COG3: variants seen among roughly 807,000 people sequenced by gnomAD.
The protein encoded by COG3 is conserved oligomeric Golgi complex subunit 3.
Under a neutral mutation model 114.1 loss-of-function variants are expected in COG3, and 32 were observed. The observed-to-expected ratio is 0.28, with a 90% CI of 0.21 to 0.38. The LOEUF is 0.38. COG3 is among the 10% of genes least tolerant of loss of function. COG3 has a pLI of 1.00. For synonymous variants in COG3, 352 were observed against 365.7 expected, an observed-to-expected ratio of 0.96 and a Z score of 0.43; for missense variants, 813 against 973.2, an observed-to-expected ratio of 0.84 and a Z score of 2.19.
intron 20 of COG3, 28 bp downstream of exon 20, chr13:45,525,079 C>G (rs1872545406): frequency 1.3e-6 from 2 of 1,590,114 alleles, no homozygotes; most frequent in South Asian, 1.1e-5. Flanking sequence ...TTTTGGATTT[C>G]TTTTTTAGGA....
chr13:45,465,299 G>T, intron 1 of COG3, 89 bp downstream of exon 1: 11 of 1,511,214 alleles, frequency 7.3e-6, no homozygotes, highest in South Asian at 1.3e-5. Context: ...ACTAGCCTCT[G>T]CCCAGGATAT....
In COG3 at chr13:45,513,865, T is replaced by C. The variant is rs574239858; in HGVS notation, c.1809+2011T>C. 1.5e-3 allele frequency among the ~76,000 whole-genome samples: 222 copies of C among 152,134 alleles called. 2 individuals carry two copies. The highest frequency in any genetic ancestry group is 4.5e-3 in the African/African-American group (188 of 41,556). On this transcript the variant is annotated intron_variant, in intron 16 of 22. Coordinates refer to ENST00000349995, the MANE Select transcript of COG3 (RefSeq NM_031431.4). The stretch of plus-strand genomic sequence containing the variant: ...TGTTTTATATAACAATATTACACAG[T>C]CATTAAATTTTTAAAAATGAAACAA...
chr13:45,510,273 A>G (rs780539444), intron 15 of COG3, among the ~76,000 whole-genome samples: 4 of 152,196 alleles, frequency 2.6e-5, no homozygotes, highest in Non-Finnish European at 4.4e-5. Flanking sequence ...ACACTACTCT[A>G]TATTTAATTT....
At chr13:45,522,314 G>A (rs1872246712) in intron 19 of COG3, among the ~76,000 whole-genome samples, 1 of 152,156 alleles carries the variant, frequency 6.6e-6, no homozygotes, top group Admixed American at 6.5e-5. Context: ...GTATTACCGT[G>A]TAGAGAATAT....
chr13:45,472,460 A>C (rs1315140558), intron 1 of COG3, among the ~76,000 whole-genome samples: 3 of 152,056 alleles, frequency 2.0e-5, no homozygotes, highest in Admixed American at 2.0e-4. Context: ...ATCCCATTTC[A>C]TGTAATTTGA....
At chr13:45,482,843 G>C (rs1006298776) in intron 6 of COG3, among the ~76,000 whole-genome samples, 1 of 152,180 alleles carries the variant, frequency 6.6e-6, no homozygotes, top group Non-Finnish European at 1.5e-5. Flanking sequence ...TGTTACTTGG[G>C]GGGAAATAAA....
At chr13:45,503,202 A>G (rs1355438909) in intron 13 of COG3, 42 bp from the exon 14 acceptor site, 2 of 934,530 alleles carry the variant, frequency 2.1e-6, no homozygotes, top group Non-Finnish European at 3.5e-6. Flanking sequence ...GTTGCCAAAC[A>G]CTGCTGAAAA....
At chr13:45,482,549 C>A in intron 6 of COG3, 76 bp downstream of exon 6, 1 of 703,546 alleles carries the variant, frequency 1.4e-6, no homozygotes, top group Non-Finnish European at 2.4e-6. Context: ...TTGTGTTTTT[C>A]AACTTTTCTG....
At chr13:45,478,727 G>T (rs558970141) in intron 2 of COG3, among the ~76,000 whole-genome samples, 5 of 152,314 alleles carry the variant, frequency 3.3e-5, no homozygotes, top group East Asian at 1.9e-4. Flanking sequence ...GACCTCAGGT[G>T]ATCCGCCCAC....
chr13:45,526,256 T>C (rs1463334211), intron 20 of COG3, among the ~76,000 whole-genome samples: 7 of 151,494 alleles, frequency 4.6e-5, no homozygotes, highest in Non-Finnish European at 7.4e-5. Flanking sequence ...CAGCTAATTG[T>C]TGTATTTTTA....
intron 12 of COG3, among the ~76,000 whole-genome samples, 160 bp from the exon 13 acceptor site, chr13:45,495,992 T>G (rs1011875904): frequency 1.3e-5 from 2 of 152,206 alleles, no homozygotes; most frequent in African/African-American, 4.8e-5. Flanking sequence ...TTATTAAACT[T>G]TTCCAAGCTC....
At chr13:45,498,561 A>C (rs1305862128) in intron 13 of COG3, among the ~76,000 whole-genome samples, 1 of 151,962 alleles carries the variant, frequency 6.6e-6, no homozygotes, top group African/African-American at 2.4e-5. Context: ...AGCATCATTT[A>C]TTGAAAAGGC....
At position 45,476,075 on chromosome 13, in the gene COG3, CTT is replaced by C. The variant is rs375075586; in HGVS notation, c.175-125_175-124del. 1.2e-4 allele frequency: 97 copies of C among 825,388 alleles called. No individual in the cohort carries two copies. In the African/African-American group the frequency reaches 1.5e-3, roughly 13 times the overall value. The allele number at this position is 825,388 out of a possible 1,614,324, so 51.1% of individuals were successfully genotyped here. On this transcript the variant is annotated intron_variant, in intron 1 of 22. Coordinates refer to ENST00000349995, the MANE Select transcript of COG3 (RefSeq NM_031431.4). ...GTTAGTACTATATAGTATTTATTAA[CTT>C]AATGTGATTTAATGGAAAATATTTC...
chr13:45,524,839 A>G, intron 19 of COG3, 137 bp from the exon 20 acceptor site: 1 of 546,320 alleles, frequency 1.8e-6, no homozygotes, highest in East Asian at 2.9e-5. Context: ...AGGGCTGCAC[A>G]TTTGATTATC....
chr13:45,510,911 T>C (rs1374483473), intron 15 of COG3, among the ~76,000 whole-genome samples: 2 of 152,184 alleles, frequency 1.3e-5, no homozygotes, highest in African/African-American at 2.4e-5. Context: ...CTTCCTATAG[T>C]AATAGCCTTG....
chr13:45,474,151 CTTTTTTTTTTT>C (rs10558884), intron 1 of COG3, among the ~76,000 whole-genome samples: 3 of 82,012 alleles, frequency 3.7e-5, no homozygotes, highest in Non-Finnish European at 6.9e-5. Context: ...CTTTTTTACT[CTTTTTTTTTTT>C]TTTTTTTTTT....
At chr13:45,490,633 TG>T in intron 8 of COG3, among the ~76,000 whole-genome samples, 1 of 152,172 alleles carries the variant, frequency 6.6e-6, no homozygotes, top group South Asian at 2.1e-4. Context: ...AAAATGTTTA[TG>T]AAATAATGTT....
chr13:45,516,844 A>T (rs941457207), intron 17 of COG3, among the ~76,000 whole-genome samples: 1 of 152,196 alleles, frequency 6.6e-6, no homozygotes, highest in African/African-American at 2.4e-5. Context: ...CCGAAAAGGA[A>T]TGAAAATATA....
At chr13:45,502,839 T>C (rs1434296538) in intron 13 of COG3, among the ~76,000 whole-genome samples, 1 of 152,160 alleles carries the variant, frequency 6.6e-6, no homozygotes, top group Non-Finnish European at 1.5e-5. Context: ...TGGCCATTCT[T>C]TTTGACAGTA....
Sources: gnomAD v4.1 joint callset for allele counts (sites outside exome capture counted in the v4.1 genomes callset) on GRCh38, gnomAD v4.1.1 for gene constraint, MANE v1.5 for transcripts, NCBI Gene and HGNC (gene_info 2026-07-23, HGNC 2026-07-21) for gene names.